Variants in ZNF93 observed in about 807,000 individuals in gnomAD.
ZNF93 encodes the protein zinc finger protein 93, also known as zinc finger protein 505.
A neutral mutation model predicts 45.0 loss-of-function variants in ZNF93; 29 were observed. The ratio of observed to expected loss-of-function variants is 0.64; its 90% CI spans 0.48 to 0.88. The LOEUF is 0.88. Among genes scored for constraint, ZNF93 ranks in the 40% least tolerant of loss-of-function variants. The probability of loss-of-function intolerance (pLI) is 0.00; values close to 1 mark genes in which losing one functional copy is unlikely to be tolerated. For missense variants in ZNF93, 578 were observed against 724.0 expected (o/e 0.80, Z 2.31); for synonymous variants, 223 against 244.6 (o/e 0.91, Z 0.82).
intron 3 of ZNF93, among the ~76,000 whole-genome samples, chr19:19,929,664 C>T (rs866478630): frequency 1.3e-5 from 2 of 152,090 alleles, no homozygotes; most frequent in Admixed American, 6.5e-5. Flanking sequence ...TAGGGCCGGG[C>T]GTGGTGGCTC....
chr19:19,916,152 C>T (rs186400512), intron 2 of ZNF93, among the ~76,000 whole-genome samples: 2 of 151,280 alleles, frequency 1.3e-5, no homozygotes, highest in Non-Finnish European at 2.9e-5. Context: ...CTGCAACCTC[C>T]GACTCCCAGG....
chr19:19,902,915 T>C (rs551210082), intron 1 of ZNF93, among the ~76,000 whole-genome samples: 11 of 151,774 alleles, frequency 7.2e-5, no homozygotes, highest in African/African-American at 2.7e-4. Context: ...TAAAAAAAAT[T>C]TTTTTAATAG....
chr19:19,928,537 G>T (rs754038605), intron 3 of ZNF93, among the ~76,000 whole-genome samples: 2 of 151,996 alleles, frequency 1.3e-5, no homozygotes, highest in Non-Finnish European at 2.9e-5. Flanking sequence ...TTGATTTGTT[G>T]TTGTTTTGAG....
intron 3 of ZNF93, among the ~76,000 whole-genome samples, chr19:19,920,024 G>A (rs1282683892): frequency 6.6e-6 from 1 of 152,128 alleles, no homozygotes; most frequent in Non-Finnish European, 1.5e-5. Flanking sequence ...TCCCTGTCTT[G>A]TGCCAGTTTT....
chr19:19,923,349 C>T (rs937256043), intron 3 of ZNF93, among the ~76,000 whole-genome samples: 1 of 152,156 alleles, frequency 6.6e-6, no homozygotes, highest in African/African-American at 2.4e-5. Flanking sequence ...TCTGCTCCTA[C>T]TTGGGGGTGC....
In ZNF93 at chr19:19,933,521, TAACACATAA is replaced by T. The variant is rs1422202665; in HGVS notation, c.567_575del (p.Ile189_Lys192delinsMet). On this transcript the variant is annotated inframe_deletion, in exon 4 of 4. Transcript: ENST00000343769. Reference sequence around the variant, plus strand: ...GCTTTTAACCAGTTCTCAACCCTTATAACACATAAGAAAATTCATACTGGAGAGAAACCC... The same window carrying T: ...GCTTTTAACCAGTTCTCAACCCTTATGAAAATTCATACTGGAGAGAAACCC... 4.4e-6 allele frequency: 7 copies of T among 1,606,760 alleles called. No individual in the cohort carries two copies. The African/African-American group carries it at 8.1e-5, about 19-fold the overall frequency.
At position 19,935,012 on chromosome 19, in the gene ZNF93, A is replaced by G. The variant is rs545808074; in HGVS notation, c.*194A>G. The G allele has an allele frequency of 6.5e-5, 38 of 586,308 alleles. No individual in the cohort carries two copies. In the African/African-American group the frequency reaches 6.7e-4, roughly 10 times the overall value. The allele number at this position is 586,308 out of a possible 1,614,324, so 36.3% of individuals were successfully genotyped here. A position where few individuals can be genotyped will look rare whatever the true frequency, so the allele number is the denominator to read the frequency against. On this transcript the variant is annotated 3_prime_UTR_variant, in exon 4 of 4. Transcript: ENST00000343769. ...AGGCCTGCAGACCTTGGCCTTTACT[A>G]CGGTACCTGAAGTGGTTCAATGACT...
intron 1 of ZNF93, among the ~76,000 whole-genome samples, chr19:19,904,830 G>A (rs964896177): frequency 5.9e-5 from 9 of 152,128 alleles, no homozygotes; most frequent in African/African-American, 1.9e-4. Flanking sequence ...TCTGATGACA[G>A]ACTCCCTTTT....
chr19:19,919,670 T>A (rs2122180406), intron 3 of ZNF93, among the ~76,000 whole-genome samples: 1 of 152,304 alleles, frequency 6.6e-6, no homozygotes, highest in African/African-American at 2.4e-5. Flanking sequence ...ATCCTTCACA[T>A]CCCTTTTAAG....
Position 19,933,917 on chromosome 19 carries a change from C to T in ZNF93, c.962C>T (p.Ala321Val). Residue 321 changes from alanine to valine, a missense_variant, in exon 4 of 4, where the codon GCC becomes GTC. By Grantham distance (64) the Ala-to-Val change is moderately conservative (BLOSUM62 0). Coordinates refer to ENST00000343769, the MANE Select transcript of ZNF93 (RefSeq NM_031218.4). ...KPYVCEECGK[A>V]FKYSRILTTH... is the part of the protein sequence containing the mutation. ...TACGTTTGTGAAGAATGTGGCAAAG[C>T]CTTTAAGTACTCCCGTATCCTTACT... is the stretch of plus-strand genomic sequence containing the variant. 2 of 1,612,752 alleles carry T rather than the reference C, an allele frequency of 1.2e-6. No individual in the cohort carries two copies. The highest frequency in any genetic ancestry group is 2.2e-5 in the South Asian group (2 of 91,008).
At chr19:19,932,609 C>G (rs886075426) in intron 3 of ZNF93, 3 of 152,106 alleles carry the variant, frequency 2.0e-5, no homozygotes, top group Admixed American at 6.5e-5. Flanking sequence ...TTACTTTTAC[C>G]TAGTGGCTTG....
chr19:19,923,362 T>C (rs892014084), intron 3 of ZNF93, among the ~76,000 whole-genome samples: 3 of 152,166 alleles, frequency 2.0e-5, no homozygotes, highest in African/African-American at 7.2e-5. Flanking sequence ...GGGGGTGCCT[T>C]CCAGTTAGGC....
rs185579932 is a variant in ZNF93 at position 19,929,554 on chromosome 19, A to G, written c.227-3628A>G. 2.8e-3 allele frequency among the ~76,000 whole-genome samples: 432 copies of G among 152,344 alleles called. 3 individuals are homozygous for G. Among genetic ancestry groups the G allele is most frequent in the Middle Eastern group, 0.01 (3 of 294 alleles). ...ATAGATAGATAAATATTTTAGTTATACATTCCTGCTAAATCAACTCACTTT... is the reference window on the plus strand; with the variant it reads ...ATAGATAGATAAATATTTTAGTTATGCATTCCTGCTAAATCAACTCACTTT... On this transcript the variant is annotated intron_variant, in intron 3 of 3. Coordinates refer to ENST00000343769, the MANE Select transcript of ZNF93 (RefSeq NM_031218.4).
Position 19,908,942 on chromosome 19 carries a change from C to T in ZNF93, c.4-6338C>T, listed in dbSNP as rs550178499. On this transcript the variant is annotated intron_variant, in intron 1 of 3. Transcript: ENST00000343769. The stretch of plus-strand genomic sequence containing the variant: ...TGTTTCAGAAATCCTATTAGTATCC[C>T]GTGGTGTCTGAATGAGGTGGGCTGT... 53 of 152,766 alleles carry T rather than the reference C, an allele frequency of 3.5e-4. No homozygotes were observed. The South Asian group carries it at 7.0e-3, about 20-fold the overall frequency. 9.5% of individuals were successfully genotyped at this position (152,766 alleles called of 1,614,324 possible).
Position 19,934,641 on chromosome 19 carries a change from G to GA in ZNF93, c.1689dup (p.Pro564ThrfsTer3). ...CACATAAGATACTTCATACTGGAGA[G>GA]AAACCTTATAGATGTAGAGAATGTG... On this transcript the variant is annotated frameshift_variant, in exon 4 of 4. Coordinates refer to ENST00000343769, the MANE Select transcript of ZNF93 (RefSeq NM_031218.4). LOFTEE classifies it high-confidence loss of function. 7 of 1,613,688 alleles carry GA rather than the reference G, an allele frequency of 4.3e-6. No homozygotes were observed. Among genetic ancestry groups the GA allele is most frequent in the Non-Finnish European group, 5.9e-6 (7 of 1,179,882 alleles).
At chr19:19,928,058 GT>G (rs2063361530) in intron 3 of ZNF93, among the ~76,000 whole-genome samples, 1 of 152,066 alleles carries the variant, frequency 6.6e-6, no homozygotes, top group South Asian at 2.1e-4. Flanking sequence ...GTGTTAACAT[GT>G]TTTGGATATA....
chr19:19,914,799 G>A (rs2063318714), intron 1 of ZNF93: 3 of 373,514 alleles, frequency 8.0e-6, no homozygotes, highest in South Asian at 1.9e-5. Context: ...TATCCTTCTC[G>A]GGCCAAAAAC....
intron 1 of ZNF93, among the ~76,000 whole-genome samples, chr19:19,903,463 C>T (rs921112916): frequency 5.3e-5 from 8 of 152,018 alleles, no homozygotes; most frequent in Admixed American, 2.0e-4. Flanking sequence ...AGGCCTGGCC[C>T]GGTGGCTTAT....
Position 19,933,553 on chromosome 19 carries a change from C to G in ZNF93, c.598C>G (p.Pro200Ala). ...TAAGAAAATTCATACTGGAGAGAAACCCTACATTTGTGAAGAATGTGGCAA... is the reference window on the plus strand; with the variant it reads ...TAAGAAAATTCATACTGGAGAGAAAGCCTACATTTGTGAAGAATGTGGCAA... Reference protein sequence around the residue: ...THKKIHTGEKPYICEECGKAF... With the variant: ...THKKIHTGEKAYICEECGKAF... Residue 200 changes from proline (P) to alanine (A), a missense_variant, in exon 4 of 4, where the codon CCC becomes GCC. Pro to Ala is a conservative substitution (Grantham distance 27). Around this residue, in one of 3 missense-constraint regions of ZNF93, gnomAD observed 446 missense variants for 547.6 expected, o/e 0.81. Transcript: ENST00000343769. The G allele has an allele frequency of 6.2e-7, 1 of 1,608,118 alleles. No individual in the cohort carries two copies. Among genetic ancestry groups the G allele is most frequent in the Non-Finnish European group, 8.5e-7 (1 of 1,177,740 alleles).
Sources: allele counts gnomAD v4.1 joint callset (sites outside exome capture counted in the v4.1 genomes callset), GRCh38; gene constraint gnomAD v4.1.1; regional missense constraint gnomAD v4.1.1; transcripts MANE v1.5; gene names NCBI Gene and HGNC (gene_info 2026-07-23, HGNC 2026-07-21).